Variants in SPATS2 observed in about 807,000 individuals in gnomAD.
The protein encoded by SPATS2 is spermatogenesis-associated serine-rich protein 2.
Under a neutral mutation model 63.7 loss-of-function variants are expected in SPATS2, and 38 were observed. The ratio of observed to expected loss-of-function variants is 0.60; its 90% CI spans 0.46 to 0.78. The LOEUF (loss-of-function observed/expected upper bound fraction) is 0.78, where lower values mean the gene tolerates loss of function less well. Among genes scored for constraint, SPATS2 ranks in the 30% least tolerant of loss-of-function variants. SPATS2 has a pLI of 0.00. For synonymous variants in SPATS2, 207 were observed against 232.9 expected (o/e 0.89, Z 1.01); for missense variants, 588 against 666.2 (o/e 0.88, Z 1.29).
intron 2 of SPATS2, among the ~76,000 whole-genome samples, chr12:49,377,291 A>G (rs1565691797): frequency 6.6e-6 from 1 of 152,178 alleles, no homozygotes; most frequent in Non-Finnish European, 1.5e-5. Context: ...AGACTATAGG[A>G]TATTATTATA....
chr12:49,396,313 C>A (rs1462771672), intron 2 of SPATS2, among the ~76,000 whole-genome samples: 1 of 152,226 alleles, frequency 6.6e-6, no homozygotes, highest in Non-Finnish European at 1.5e-5. Context: ...CACTGTTTTA[C>A]ATTCCCACCA....
At chr12:49,519,706 G>A (rs920211153) in intron 11 of SPATS2, among the ~76,000 whole-genome samples, 17 of 151,902 alleles carry the variant, frequency 1.1e-4, no homozygotes, top group Non-Finnish European at 1.6e-4. Context: ...CCATCCCCCC[G>A]GTCCTCTGCC....
chr12:49,375,597 A>G (rs1944086098), intron 2 of SPATS2, among the ~76,000 whole-genome samples: 1 of 152,092 alleles, frequency 6.6e-6, no homozygotes, highest in Admixed American at 6.5e-5. Context: ...CCTTGTTTGG[A>G]TATCTAGTTA....
rs76078684 is a variant in SPATS2, at chr12:49,459,740, T to TC, written c.-243-1016dup. ...CAGTGAGTGTGTTTCTCATTTCACGTCCCCCCCCCCCCCCATATTTTTTAT... is the reference window on the plus strand; with the variant it reads ...CAGTGAGTGTGTTTCTCATTTCACGTCCCCCCCCCCCCCCCATATTTTTTAT... On this transcript the variant is annotated intron_variant, in intron 2 of 13. Transcript: ENST00000552918. 3.1e-3 allele frequency among the ~76,000 whole-genome samples: 102 copies of TC among 32,624 alleles called. 2 individuals carry two copies. Among genetic ancestry groups the TC allele is most frequent in the African/African-American group, 5.1e-3 (31 of 6,076 alleles). 21.4% of individuals were successfully genotyped at this position (32,624 alleles called of 152,430 possible).
intron 6 of SPATS2, chr12:49,491,014 C>T (rs1437357278): frequency 1.6e-5 from 4 of 243,520 alleles, no homozygotes; most frequent in Admixed American, 5.4e-5. Flanking sequence ...TGTGGTGGCA[C>T]GTGCCTGTAA....
At chr12:49,511,932 A>G (rs1422763181) in intron 9 of SPATS2, among the ~76,000 whole-genome samples, 3 of 152,198 alleles carry the variant, frequency 2.0e-5, no homozygotes, top group African/African-American at 7.2e-5. Context: ...GGATGGTATA[A>G]TGACAGTGTA....
intron 2 of SPATS2, among the ~76,000 whole-genome samples, chr12:49,436,296 A>G (rs568219728): frequency 6.4e-5 from 8 of 125,916 alleles, no homozygotes; most frequent in African/African-American, 2.5e-4. Context: ...TCCCTCCCGG[A>G]TGGGGCGGCT....
At chr12:49,462,690 C>T (rs1945842887) in intron 3 of SPATS2, 4 of 560,440 alleles carry the variant, frequency 7.1e-6, no homozygotes, top group Middle Eastern at 9.4e-4. Flanking sequence ...GGAAGGGGAG[C>T]TGAAAAGGGG....
chr12:49,403,638 C>CAA (rs1555180276), intron 2 of SPATS2, among the ~76,000 whole-genome samples: 4 of 145,928 alleles, frequency 2.7e-5, no homozygotes, highest in Admixed American at 1.4e-4. Context: ...CACACACACA[C>CAA]ACAAACAAAA....
intron 2 of SPATS2, among the ~76,000 whole-genome samples, chr12:49,390,575 A>T (rs1404247245): frequency 1.3e-5 from 2 of 152,208 alleles, no homozygotes; most frequent in Non-Finnish European, 2.9e-5. Context: ...TTTCATCCTT[A>T]TTTGGCGTTA....
rs1037036485 is a variant in SPATS2, at chr12:49,503,123, G to A, written c.839+2918G>A. 4.6e-5 allele frequency among the ~76,000 whole-genome samples: 7 copies of A among 152,216 alleles called. No individual in the cohort carries two copies. In the South Asian group the frequency reaches 8.3e-4, roughly 18 times the overall value. On this transcript the variant is annotated intron_variant, in intron 9 of 13. Transcript: ENST00000552918. ...TCCCAGCACTTTGGGAGGCCAAGGC[G>A]GGCAGATCACAAGGTCAAGAGTTCA...
chr12:49,415,415 G>C (rs891619163), intron 2 of SPATS2, among the ~76,000 whole-genome samples: 1 of 152,080 alleles, frequency 6.6e-6, no homozygotes, highest in Admixed American at 6.6e-5. Context: ...TTTAATTTTT[G>C]GACCTAGCAA....
chr12:49,439,086 C>A (rs1389783048), intron 2 of SPATS2, among the ~76,000 whole-genome samples: 1 of 152,150 alleles, frequency 6.6e-6, no homozygotes, highest in Non-Finnish European at 1.5e-5. Flanking sequence ...GAGAAGGAAT[C>A]TCTGAGGAGA....
intron 2 of SPATS2, among the ~76,000 whole-genome samples, chr12:49,429,420 T>G (rs930710456): frequency 1.3e-5 from 2 of 152,136 alleles, no homozygotes; most frequent in African/African-American, 4.8e-5. Flanking sequence ...GAGAAAGGTT[T>G]CATATTCACC....
chr12:49,377,272 C>T (rs1401551621), intron 2 of SPATS2, among the ~76,000 whole-genome samples: 4 of 151,964 alleles, frequency 2.6e-5, no homozygotes, highest in Non-Finnish European at 1.5e-5. Flanking sequence ...TATGATGATC[C>T]TATAAATTAG....
In SPATS2 at chr12:49,406,838, C is replaced by T. The variant is rs186113586; in HGVS notation, c.-244+35548C>T. ...GTGAATGAAGTGAAAGTGAGGCGTT[C>T]TTATTCTTAAGGATTTTATAACACA... is the stretch of plus-strand genomic sequence containing the variant. On this transcript the variant is annotated intron_variant, in intron 2 of 13. Coordinates refer to ENST00000552918, the MANE Select transcript of SPATS2 (RefSeq NM_023071.4). Among the ~76,000 whole-genome samples, 121 of 152,050 alleles carry T rather than the reference C, an allele frequency of 8.0e-4. 4 individuals are homozygous for T. The Middle Eastern group carries it at 0.031, about 39-fold the overall frequency.
intron 1 of SPATS2, among the ~76,000 whole-genome samples, chr12:49,369,221 G>C (rs1025735970): frequency 6.6e-6 from 1 of 151,882 alleles, no homozygotes; most frequent in Non-Finnish European, 1.5e-5. Context: ...AGAGACGGGG[G>C]TTTCACCATC....
chr12:49,368,239 C>T (rs534576103), intron 1 of SPATS2, among the ~76,000 whole-genome samples: 3 of 152,310 alleles, frequency 2.0e-5, no homozygotes, highest in East Asian at 3.9e-4. Flanking sequence ...TCAAGCTTGT[C>T]CCTCTGTTAA....
chr12:49,510,817 A>C (rs980463398), intron 9 of SPATS2, among the ~76,000 whole-genome samples: 8 of 152,226 alleles, frequency 5.3e-5, no homozygotes, highest in Non-Finnish European at 1.2e-4. Flanking sequence ...AGATATCTGT[A>C]TATTAATTAG....
Sources: allele counts gnomAD v4.1 joint callset (sites outside exome capture counted in the v4.1 genomes callset), GRCh38; gene constraint gnomAD v4.1.1; transcripts MANE v1.5; gene names NCBI Gene and HGNC (gene_info 2026-07-23, HGNC 2026-07-21).